Variants in SUGCT observed in about 807,000 individuals in gnomAD.
The protein encoded by SUGCT is succinyl-CoA:glutarate-CoA transferase.
A neutral mutation model predicts 55.0 loss-of-function variants in SUGCT; 41 were observed. The ratio of observed to expected loss-of-function variants is 0.74; its 90% CI spans 0.58 to 0.97. SUGCT has a LOEUF of 0.97. Among genes scored for constraint, SUGCT ranks in the 50% least tolerant of loss-of-function variants. The pLI is 0.00. For synonymous variants in SUGCT, 187 were observed against 200.4 expected, an observed-to-expected ratio of 0.93 and a Z score of 0.56; for missense variants, 568 against 547.8, an observed-to-expected ratio of 1.04 and a Z score of -0.37.
At chr7:40,899,879 T>A in the SUGCT span, among the ~76,000 whole-genome samples, 1 of 152,200 alleles carries the variant, frequency 6.6e-6, no homozygotes, top group Non-Finnish European at 1.5e-5. Flanking sequence ...TGTATGTCAT[T>A]ACACAGCACT....
chr7:40,173,775 G>A (rs1322655727), intron 1 of SUGCT, among the ~76,000 whole-genome samples: 1 of 151,486 alleles, frequency 6.6e-6, no homozygotes, highest in Non-Finnish European at 1.5e-5. Flanking sequence ...TTTCACAGGT[G>A]TATACATCTG....
At chr7:40,201,334 G>A (rs1316859980) in intron 6 of SUGCT, among the ~76,000 whole-genome samples, 1 of 152,112 alleles carries the variant, frequency 6.6e-6, no homozygotes, top group East Asian at 1.9e-4. Context: ...TTCATCTGGC[G>A]ATGTTCACAC....
At chr7:40,858,972 C>T (rs1359698376) in intron 13 of SUGCT, among the ~76,000 whole-genome samples, 1 of 152,188 alleles carries the variant, frequency 6.6e-6, no homozygotes, top group Non-Finnish European at 1.5e-5. Context: ...ATGGAATTCT[C>T]CAAAGAGCTC....
At chr7:40,253,470 G>A (rs1182174710) in intron 7 of SUGCT, among the ~76,000 whole-genome samples, 1 of 152,202 alleles carries the variant, frequency 6.6e-6, no homozygotes, top group African/African-American at 2.4e-5. Flanking sequence ...GCTTTATGAA[G>A]GCACGGACTG....
intron 12 of SUGCT, among the ~76,000 whole-genome samples, chr7:40,699,840 A>C (rs1785100471): frequency 6.6e-6 from 1 of 152,218 alleles, no homozygotes; most frequent in Non-Finnish European, 1.5e-5. Context: ...CCTGGGTGAC[A>C]GAGCGAGACT....
chr7:40,983,593 G>A, the SUGCT span, among the ~76,000 whole-genome samples: 1 of 152,214 alleles, frequency 6.6e-6, no homozygotes, highest in South Asian at 2.1e-4. Context: ...TTTAGCCCAG[G>A]CCCTTTAAAC....
rs771297863 is a variant in SUGCT, at chr7:40,723,323, A to C, written c.1090-26111A>C. On this transcript the variant is annotated intron_variant, in intron 12 of 13. Coordinates refer to ENST00000335693, the MANE Select transcript of SUGCT (RefSeq NM_001193313.2). ...CAGCAGTTGACACGGGTTTGAAAGC[A>C]GATGATGGCTGTGGGAGTGGCTGCT... Among the ~76,000 whole-genome samples the C allele has an allele frequency of 7.9e-4, 121 of 152,292 alleles. No individual in the cohort carries two copies. In the Middle Eastern group the frequency reaches 0.01, roughly 13 times the overall value.
the SUGCT span, among the ~76,000 whole-genome samples, chr7:41,026,089 C>A: frequency 6.6e-6 from 1 of 152,216 alleles, no homozygotes; most frequent in East Asian, 1.9e-4. Context: ...TCTGGAGCTG[C>A]ACCTGCTGCC....
chr7:40,373,372 T>TG (rs1554325971), intron 9 of SUGCT, among the ~76,000 whole-genome samples: 11 of 146,648 alleles, frequency 7.5e-5, no homozygotes, highest in African/African-American at 2.2e-4. Context: ...TTAGAATCTA[T>TG]GATTAATATA....
chr7:40,635,532 A>G (rs1437650171), intron 12 of SUGCT, among the ~76,000 whole-genome samples: 1 of 152,204 alleles, frequency 6.6e-6, no homozygotes, highest in Non-Finnish European at 1.5e-5. Context: ...AAAACATTGA[A>G]TGCTAATCAA....
chr7:40,608,732 A>T (rs1349955130), intron 12 of SUGCT, among the ~76,000 whole-genome samples: 1 of 152,202 alleles, frequency 6.6e-6, no homozygotes, highest in Non-Finnish European at 1.5e-5. Context: ...GTACTTTAGT[A>T]CAATAGTTGA....
At chr7:40,562,822 G>A (rs2151666757) in intron 12 of SUGCT, among the ~76,000 whole-genome samples, 1 of 152,276 alleles carries the variant, frequency 6.6e-6, no homozygotes, top group East Asian at 1.9e-4. Context: ...TGGGGGCACG[G>A]CCACACCATC....
chr7:40,973,663 C>T, the SUGCT span, among the ~76,000 whole-genome samples: 1 of 152,202 alleles, frequency 6.6e-6, no homozygotes, highest in South Asian at 2.1e-4. Flanking sequence ...TGGGTTTGGG[C>T]ATGGGAAACT....
At chr7:40,489,838 A>G (rs569354613) in intron 11 of SUGCT, among the ~76,000 whole-genome samples, 17 of 152,286 alleles carry the variant, frequency 1.1e-4, no homozygotes, top group African/African-American at 4.1e-4. Flanking sequence ...CCGTTTGGTG[A>G]TGTCATGTTT....
At position 40,683,907 on chromosome 7, in the gene SUGCT, C is replaced by T. The variant is rs553032481; in HGVS notation, c.1090-65527C>T. 8.1e-4 allele frequency: 918 copies of T among 1,131,484 alleles called. 17 individuals are homozygous for T. The South Asian group carries it at 0.015, about 18-fold the overall frequency. 70.1% of individuals were successfully genotyped at this position (1,131,484 alleles called of 1,614,324 possible). On this transcript the variant is annotated intron_variant, in intron 12 of 13. Coordinates refer to ENST00000335693, the MANE Select transcript of SUGCT (RefSeq NM_001193313.2). ...GTCAGAAGTCTCACATAGGTCTCAC[C>T]AGGCTAAAATCAAGGTGCTGGCAGA...
At chr7:40,427,577 ATTG>A (rs1787653058) in intron 9 of SUGCT, among the ~76,000 whole-genome samples, 1 of 152,092 alleles carries the variant, frequency 6.6e-6, no homozygotes, top group Non-Finnish European at 1.5e-5. Flanking sequence ...CAGTTTGCAT[ATTG>A]TTGTTTTTCA....
intron 12 of SUGCT, among the ~76,000 whole-genome samples, chr7:40,631,159 T>C (rs1799770903): frequency 6.6e-6 from 1 of 152,222 alleles, no homozygotes; most frequent in Admixed American, 6.5e-5. Context: ...GAGAGAGTAT[T>C]TGTTTTCATG....
chr7:40,439,064 G>GTGTATATATA (rs1283539157), intron 9 of SUGCT, among the ~76,000 whole-genome samples: 383 of 27,156 alleles, frequency 0.014, 60 homozygotes, highest in Non-Finnish European at 0.018. Context: ...TATATATGGT[G>GTGTATATATA]TATATATATA....
intron 13 of SUGCT, among the ~76,000 whole-genome samples, chr7:40,811,984 G>A (rs1490751605): frequency 6.6e-6 from 1 of 152,048 alleles, no homozygotes; most frequent in Non-Finnish European, 1.5e-5. Context: ...AGGGATGTTG[G>A]ATTTTTTTGA....
Sources: allele counts gnomAD v4.1 joint callset (sites outside exome capture counted in the v4.1 genomes callset), GRCh38; gene constraint gnomAD v4.1.1; transcripts MANE v1.5; gene names NCBI Gene and HGNC (gene_info 2026-07-23, HGNC 2026-07-21).